The following CNTNAP5 variants were observed in gnomAD, a reference collection of about 807,000 sequenced individuals.
The protein encoded by CNTNAP5 is contactin associated protein family member 5.
Under a neutral mutation model 150.2 loss-of-function variants are expected in CNTNAP5, and 72 were observed. The observed-to-expected ratio is 0.48, with a 90% confidence interval of 0.40 to 0.58. The LOEUF is 0.58. CNTNAP5 is among the 20% of genes least tolerant of loss of function. CNTNAP5 has a pLI of 0.00. For missense variants in CNTNAP5, 1,636 were observed against 1,626.2 expected (o/e 1.01, Z -0.10); for synonymous variants, 672 against 619.8 (o/e 1.08, Z -1.25).
intron 1 of CNTNAP5, among the ~76,000 whole-genome samples, chr2:124,220,118 T>C (rs941098844): frequency 6.6e-6 from 1 of 151,846 alleles, no homozygotes; most frequent in Non-Finnish European, 1.5e-5. Context: ...GCTGAATAAA[T>C]AAGCTTAATA....
Position 124,191,860 on chromosome 2 carries a change from C to A in CNTNAP5, c.83-29845C>A, listed in dbSNP as rs1218505505. On this transcript the variant is annotated intron_variant, in intron 1 of 23. Transcript: ENST00000682447. ...AACCCTGGAGGCAGAGATCGTGCCA[C>A]TGCACTCCAGCCTGGGCAACAGAGC... 2.0e-5 allele frequency among the ~76,000 whole-genome samples: 3 copies of A among 151,564 alleles called. No homozygotes were observed. The East Asian group carries it at 5.8e-4, about 29-fold the overall frequency.
intron 3 of CNTNAP5, among the ~76,000 whole-genome samples, chr2:124,385,771 C>T (rs571558645): frequency 1.3e-5 from 2 of 152,308 alleles, no homozygotes; most frequent in South Asian, 4.1e-4. Flanking sequence ...TTCTTAGAGG[C>T]AAGAAAACTG....
Position 124,417,432 on chromosome 2 carries a change from C to T in CNTNAP5, c.382-11C>T, listed in dbSNP as rs1050617076. On this transcript the variant is annotated splice_polypyrimidine_tract_variant and intron_variant, in intron 3 of 23. Coordinates refer to ENST00000682447, the MANE Select transcript of CNTNAP5 (RefSeq NM_001367498.1). ...GCACAGACCTCACTGCCTCTCCTTT[C>T]TTCTCTGCAGACCTTTGCAGGAAAC... 1 of 1,612,402 alleles carries T rather than the reference C, an allele frequency of 6.2e-7. No homozygotes were observed. The highest frequency in any genetic ancestry group is 8.5e-7 in the Non-Finnish European group (1 of 1,178,616).
chr2:124,318,542 T>C (rs1180284374), intron 3 of CNTNAP5, among the ~76,000 whole-genome samples: 1 of 152,190 alleles, frequency 6.6e-6, no homozygotes, highest in East Asian at 1.9e-4. Context: ...TTAAGGAATG[T>C]CTAAAATTCT....
At chr2:124,531,763 C>T (rs573774190) in intron 10 of CNTNAP5, among the ~76,000 whole-genome samples, 1 of 152,300 alleles carries the variant, frequency 6.6e-6, no homozygotes, top group African/African-American at 2.4e-5. Context: ...AAGGCAGTCA[C>T]TCTGTGTCAG....
chr2:124,826,814 G>A (rs1682604040), intron 19 of CNTNAP5, among the ~76,000 whole-genome samples: 1 of 152,126 alleles, frequency 6.6e-6, no homozygotes, highest in Admixed American at 6.5e-5. Context: ...GCAGGTAAAT[G>A]TGTACCTTCC....
At chr2:124,881,286 G>C (rs1677959450) in intron 21 of CNTNAP5, among the ~76,000 whole-genome samples, 2 of 152,062 alleles carry the variant, frequency 1.3e-5, no homozygotes, top group Non-Finnish European at 2.9e-5. Context: ...GATAGCAATG[G>C]AACAGGGGAG....
At chr2:124,164,191 C>T (rs1684755057) in intron 1 of CNTNAP5, among the ~76,000 whole-genome samples, 2 of 152,168 alleles carry the variant, frequency 1.3e-5, no homozygotes, top group African/African-American at 4.8e-5. Flanking sequence ...AGCAACGCTG[C>T]CATGAACACG....
chr2:124,833,402 G>A (rs1446364845), intron 19 of CNTNAP5, among the ~76,000 whole-genome samples: 8 of 152,122 alleles, frequency 5.3e-5, no homozygotes, highest in African/African-American at 1.4e-4. Context: ...CTGGTACCAA[G>A]GCTCTGGGTC....
intron 4 of CNTNAP5, among the ~76,000 whole-genome samples, chr2:124,434,215 A>G (rs1692466671): frequency 1.3e-5 from 2 of 152,216 alleles, no homozygotes; most frequent in Admixed American, 1.3e-4. Flanking sequence ...TGTCCCCTCC[A>G]GCAAAAGCTG....
rs552317083 is a variant in CNTNAP5, at chr2:124,674,507, TTCTCTTTCTTTC to T, written c.2077+26551_2077+26562del. The stretch of plus-strand genomic sequence containing the variant: ...CTCCCTCTCTACTTCCTTTCTTTCT[TTCTCTTTCTTTC>T]TTTCTTTCTTTCTTTCTTTCTTTCT... On this transcript the variant is annotated intron_variant, in intron 13 of 23. Transcript: ENST00000682447. Among the ~76,000 whole-genome samples the T allele has an allele frequency of 7.1e-3, 464 of 65,632 alleles. 2 individuals are homozygous for T. Among genetic ancestry groups the T allele is most frequent in the African/African-American group, 0.017 (445 of 25,498 alleles). The allele number at this position is 65,632 out of a possible 152,430, so 43.1% of individuals were successfully genotyped here. A position where few individuals can be genotyped will look rare whatever the true frequency, so the allele number is the denominator to read the frequency against.
intron 13 of CNTNAP5, among the ~76,000 whole-genome samples, chr2:124,687,294 A>G (rs1458311339): frequency 6.6e-6 from 1 of 151,960 alleles, no homozygotes; most frequent in African/African-American, 2.4e-5. Flanking sequence ...TGGATTAGGT[A>G]GTGCAGGTGC....
chr2:124,785,059 A>AG (rs1191535096), intron 17 of CNTNAP5, among the ~76,000 whole-genome samples: 3 of 147,436 alleles, frequency 2.0e-5, no homozygotes, highest in Non-Finnish European at 4.5e-5. Flanking sequence ...AAAAAAAAAC[A>AG]AAAGAAAAAG....
chr2:124,460,912 C>T (rs1693231568), intron 6 of CNTNAP5, among the ~76,000 whole-genome samples: 1 of 151,978 alleles, frequency 6.6e-6, no homozygotes, highest in Non-Finnish European at 1.5e-5. Context: ...TGAAGGCCTC[C>T]ATCGAGGAAA....
intron 12 of CNTNAP5, among the ~76,000 whole-genome samples, chr2:124,639,129 A>G (rs1021330750): frequency 6.6e-6 from 1 of 152,194 alleles, no homozygotes; most frequent in African/African-American, 2.4e-5. Flanking sequence ...ACTTTAGGCC[A>G]TATGTTAGAG....
chr2:124,433,768 C>T (rs1273924694), intron 4 of CNTNAP5, among the ~76,000 whole-genome samples: 1 of 152,136 alleles, frequency 6.6e-6, no homozygotes, highest in South Asian at 2.1e-4. Flanking sequence ...AGATTTTTGG[C>T]ATAATTTGTC....
At chr2:124,790,751 T>G (rs549557568) in intron 18 of CNTNAP5, among the ~76,000 whole-genome samples, 1 of 152,256 alleles carries the variant, frequency 6.6e-6, no homozygotes, top group South Asian at 2.1e-4. Context: ...CCTATACCCC[T>G]TCACAATCTC....
At chr2:124,279,561 T>C (rs995778232) in intron 3 of CNTNAP5, among the ~76,000 whole-genome samples, 6 of 151,892 alleles carry the variant, frequency 4.0e-5, no homozygotes, top group Non-Finnish European at 5.9e-5. Context: ...GGACATTTAT[T>C]TCTATTTTCT....
In CNTNAP5 at chr2:124,163,539, T is replaced by A. The variant is rs564465284; in HGVS notation, c.83-58166T>A. On this transcript the variant is annotated intron_variant, in intron 1 of 23. Transcript: ENST00000682447. ...AAATGCTAGCTCTCAGGGCTCCTCATTTTACATGAAATTGAACAACAAAAA... is the reference window on the plus strand; with the variant it reads ...AAATGCTAGCTCTCAGGGCTCCTCAATTTACATGAAATTGAACAACAAAAA... Among the ~76,000 whole-genome samples, 60 of 152,230 alleles carry A rather than the reference T, an allele frequency of 3.9e-4. No homozygotes were observed. In the South Asian group the frequency reaches 0.011, roughly 27 times the overall value.
Sources: gnomAD v4.1 joint callset for allele counts (sites outside exome capture counted in the v4.1 genomes callset) on GRCh38, gnomAD v4.1.1 for gene constraint, MANE v1.5 for transcripts, NCBI Gene and HGNC (gene_info 2026-07-23, HGNC 2026-07-21) for gene names.